The following OTOF variants were observed in gnomAD, a reference collection of about 807,000 sequenced individuals.
The protein encoded by OTOF is otoferlin, also known as fer-1-like family member 2.
In OTOF, 218 loss-of-function variants were observed where a neutral mutation model predicts 236.8. That is an observed-to-expected ratio of 0.92 (90% CI 0.82 to 1.03). OTOF has a LOEUF of 1.03. Ranked by LOEUF, OTOF falls within the 50% of genes least tolerant of loss-of-function variation. The pLI is 0.00. For missense variants in OTOF, 2,590 were observed against 2,694.4 expected (o/e 0.96, Z 0.86); for synonymous variants, 1,041 against 1,072.5 (o/e 0.97, Z 0.57).
chr2:26,482,669 G>C, intron 13 of OTOF, 77 bp from the exon 14 acceptor site: 1 of 1,252,600 alleles, frequency 8.0e-7, no homozygotes. Context: ...GTGAGTGGGC[G>C]CATGTGTGCG....
At chr2:26,552,283 G>A (rs771347939) in intron 1 of OTOF, among the ~76,000 whole-genome samples, 4 of 152,068 alleles carry the variant, frequency 2.6e-5, no homozygotes, top group African/African-American at 7.2e-5. Context: ...CTAGCTACTC[G>A]GGAGGCTGAG....
chr2:26,517,677 G>T (rs10205932), intron 4 of OTOF, among the ~76,000 whole-genome samples: 1 of 151,678 alleles, frequency 6.6e-6, no homozygotes, highest in Admixed American at 6.5e-5. Context: ...GGAAGTCCTG[G>T]GTCTCCGTGC....
chr2:26,522,514 G>A (rs1301482046), intron 3 of OTOF, among the ~76,000 whole-genome samples: 5 of 152,204 alleles, frequency 3.3e-5, no homozygotes, highest in Admixed American at 6.5e-5. Context: ...CCTGCCCGCC[G>A]CAGCTGGCCT....
intron 39 of OTOF, among the ~76,000 whole-genome samples, chr2:26,464,592 G>A (rs1333063048): frequency 6.6e-6 from 1 of 152,142 alleles, no homozygotes; most frequent in Non-Finnish European, 1.5e-5. Context: ...ATCTTGGTTT[G>A]TTTATCTGCA....
rs1483798432 is a variant in OTOF at position 26,473,239 on chromosome 2, C to T, written c.3626G>A (p.Cys1209Tyr). The T allele has an allele frequency of 6.2e-7, 1 of 1,613,300 alleles. No individual in the cohort carries two copies. The highest frequency in any genetic ancestry group is 1.3e-5 in the African/African-American group (1 of 74,910). Residue 1209 changes from cysteine (C) to tyrosine (Y), a missense_variant, in exon 29 of 47, where the codon TGC (cysteine) becomes TAC (tyrosine). By Grantham distance (194) the Cys-to-Tyr change is radical. Transcript: ENST00000272371. This position sits in a 1 kb window ranked among gnomAD's most constrained non-coding sequence, Gnocchi z 7.2. ...CAGTGTGTAGCGACCGAAGGCCCGGCAGTCCACCACACGGATGTTCAAGGG... is the reference window on the plus strand; with the variant it reads ...CAGTGTGTAGCGACCGAAGGCCCGGTAGTCCACCACACGGATGTTCAAGGG... ...HPPLNIRVVD[C>Y]RAFGRYTLVG...
chr2:26,485,224 CCTCATTCCTG>C (rs1320413700), intron 11 of OTOF, among the ~76,000 whole-genome samples: 1 of 152,192 alleles, frequency 6.6e-6, no homozygotes, highest in African/African-American at 2.4e-5. Flanking sequence ...CTTGGAATGC[CCTCATTCCTG>C]TTCTCTCCAC....
chr2:26,521,671 C>A (rs1666680338), intron 3 of OTOF, among the ~76,000 whole-genome samples: 1 of 152,188 alleles, frequency 6.6e-6, no homozygotes, highest in Non-Finnish European at 1.5e-5. Flanking sequence ...CAGGCAAATC[C>A]CCTACTCTTC....
intron 1 of OTOF, among the ~76,000 whole-genome samples, chr2:26,538,401 G>A (rs773883083): frequency 5.3e-5 from 8 of 152,190 alleles, no homozygotes; most frequent in African/African-American, 7.2e-5. Flanking sequence ...GTTCCCTCCC[G>A]GGCTCTATTC....
Position 26,479,290 on chromosome 2 carries a change from T to C in OTOF, c.2188A>G (p.Ile730Val). 1 of 1,612,900 alleles carries C rather than the reference T, an allele frequency of 6.2e-7. No individual in the cohort carries two copies. The highest frequency in any genetic ancestry group is 8.5e-7 in the Non-Finnish European group (1 of 1,179,918). ...AGCTTGTCGGCAATGTGGTCCATGATGTTGGCATTGTAGAGGCGGCGGCGC... is the reference window on the plus strand; with the variant it reads ...AGCTTGTCGGCAATGTGGTCCATGACGTTGGCATTGTAGAGGCGGCGGCGC... ...DQRRRLYNAN[I>V]MDHIADKLEE... The change falls in exon 18 of 47, where the codon ATC (isoleucine) becomes GTC (valine). Residue 730 changes from isoleucine to valine, a missense_variant. Ile to Val is a conservative substitution (Grantham distance 29). This residue lies in a region of OTOF where 1,379 missense variants were observed against 1,341.6 expected (regional missense o/e 1.03). Transcript: ENST00000272371.
chr2:26,516,503 C>T lies in OTOF; in HGVS notation c.424G>A (p.Glu142Lys), dbSNP rs267599308. The change falls in exon 5 of 47, where the codon GAA (glutamate) becomes AAA (lysine). Residue 142 changes from glutamate to lysine, a missense_variant. Physicochemically the swap from Glu to Lys is moderately conservative, Grantham distance 56. Transcript: ENST00000272371. ...DFLGDESLQE[E>K]EKDSQETDGL... ...TCCGTCTCTTGGCTGTCCTTCTCTT[C>T]CTCTTGAAGAGACTCATCTCCCAGG... is the stretch of plus-strand genomic sequence containing the variant. 4 of 1,613,656 alleles carry T rather than the reference C, an allele frequency of 2.5e-6. No homozygotes were observed. In the Admixed American group the frequency reaches 6.7e-5, roughly 27 times the overall value.
intron 39 of OTOF, 37 bp downstream of exon 39, chr2:26,464,832 G>C: frequency 6.3e-7 from 1 of 1,588,270 alleles, no homozygotes; most frequent in Non-Finnish European, 8.6e-7. Context: ...AAACCCCCTG[G>C]AGAGGGGGCA....
intron 15 of OTOF, 137 bp downstream of exon 15, chr2:26,480,649 G>A: frequency 5.4e-6 from 4 of 735,162 alleles, no homozygotes; most frequent in Non-Finnish European, 7.1e-6. Flanking sequence ...TCTGCTTCCT[G>A]GGGAGAAGCC....
At chr2:26,509,237 A>G (rs182709133) in intron 5 of OTOF, among the ~76,000 whole-genome samples, 13 of 152,314 alleles carry the variant, frequency 8.5e-5, no homozygotes, top group Non-Finnish European at 1.6e-4. Context: ...CTAAGCATCT[A>G]TGGAGAAACC....
At chr2:26,474,718 C>A in intron 25 of OTOF, 44 bp from the exon 26 acceptor site, 1 of 1,608,510 alleles carries the variant, frequency 6.2e-7, no homozygotes, top group South Asian at 1.1e-5. Context: ...GCTTGCTGTC[C>A]ACACCTGTGA....
intron 22 of OTOF, 88 bp downstream of exon 22, chr2:26,476,803 C>T (rs924880592): frequency 1.6e-6 from 2 of 1,241,406 alleles, no homozygotes; most frequent in South Asian, 2.4e-5. Context: ...GAAGGCCCCA[C>T]CCTGTCACTC....
At chr2:26,550,033 A>T (rs1667420915) in intron 1 of OTOF, among the ~76,000 whole-genome samples, 1 of 149,822 alleles carries the variant, frequency 6.7e-6, no homozygotes, top group Non-Finnish European at 1.5e-5. Context: ...TGGGAGGGTG[A>T]CTCTTTTACT....
chr2:26,479,988 T>A (rs941691549), intron 16 of OTOF, among the ~76,000 whole-genome samples: 4 of 152,256 alleles, frequency 2.6e-5, no homozygotes, highest in African/African-American at 9.6e-5. Context: ...AGCTGAGGGT[T>A]GGCCCCTTTA....
chr2:26,514,345 G>T (rs533407959), intron 5 of OTOF, among the ~76,000 whole-genome samples: 1 of 152,380 alleles, frequency 6.6e-6, no homozygotes, highest in Non-Finnish European at 1.5e-5. Flanking sequence ...ACCCTGGGAG[G>T]GGCCACACGA....
In OTOF at chr2:26,546,329, T is replaced by G. The variant is rs560793223; in HGVS notation, c.80-8555A>C. On this transcript the variant is annotated intron_variant, in intron 1 of 46. Coordinates refer to ENST00000272371, the MANE Select transcript of OTOF (RefSeq NM_194248.3). ...TACAAAAATTAGCTGGGAGTGATGG[T>G]GCATGCCTGTAATCCCAGCTACTCG... Among the ~76,000 whole-genome samples the G allele has an allele frequency of 5.9e-5, 9 of 152,032 alleles. No homozygotes were observed. In the East Asian group the frequency reaches 1.5e-3, roughly 26 times the overall value.
Sources: allele counts gnomAD v4.1 joint callset (sites outside exome capture counted in the v4.1 genomes callset), GRCh38; gene constraint gnomAD v4.1.1; regional missense constraint gnomAD v4.1.1; non-coding constraint Gnocchi (gnomAD v3.1); transcripts MANE v1.5; gene names NCBI Gene and HGNC (gene_info 2026-07-23, HGNC 2026-07-21).